STK40: variants seen among roughly 807,000 people sequenced by gnomAD.
STK40 encodes serine/threonine kinase 40.
A neutral mutation model predicts 47.9 loss-of-function variants in STK40; 13 were observed. The observed-to-expected ratio is 0.27, with a 90% CI of 0.18 to 0.43. STK40 has a LOEUF of 0.43. Among genes scored for constraint, STK40 ranks in the 20% least tolerant of loss-of-function variants. The pLI, the probability that STK40 is intolerant of heterozygous loss-of-function variation, is 1.00. For missense variants in STK40, 460 were observed against 595.1 expected, an observed-to-expected ratio of 0.77 and a Z score of 2.36; for synonymous variants, 225 against 243.2, an observed-to-expected ratio of 0.93 and a Z score of 0.69.
In STK40 at chr1:36,341,611, G is replaced by A. The variant is rs754218179; in HGVS notation, c.*144C>T. 7.4e-6 allele frequency: 7 copies of A among 951,310 alleles called. No homozygotes were observed. Among genetic ancestry groups the A allele is most frequent in the South Asian group, 1.7e-5 (1 of 60,272 alleles). The allele number at this position is 951,310 out of a possible 1,614,324, so 58.9% of individuals were successfully genotyped here. Reference sequence around the variant, plus strand: ...TTCGTGGTACCTCTGCTGACCCCACGTGTGACCTGGGCTGTCCCTGTCCCT... The same window carrying A: ...TTCGTGGTACCTCTGCTGACCCCACATGTGACCTGGGCTGTCCCTGTCCCT... On this transcript the variant is annotated 3_prime_UTR_variant, in exon 11 of 11. Transcript: ENST00000373132.
At chr1:36,358,855 A>G (rs758383540) in intron 2 of STK40, 33 bp from the exon 3 acceptor site, 22 of 1,613,772 alleles carry the variant, frequency 1.4e-5, no homozygotes, top group Non-Finnish European at 1.8e-5. Flanking sequence ...TCTACTTTTC[A>G]GAAGCCCTGG....
chr1:36,358,150 AGCT>A, intron 4 of STK40, 86 bp downstream of exon 4: 1 of 1,441,356 alleles, frequency 6.9e-7, no homozygotes, highest in East Asian at 2.4e-5. Context: ...GGGTCACGTG[AGCT>A]GCTCGTATGG....
chr1:36,345,851 G>A (rs1396086723), intron 7 of STK40, among the ~76,000 whole-genome samples: 5 of 150,864 alleles, frequency 3.3e-5, no homozygotes, highest in African/African-American at 4.9e-5. Context: ...AGACAAACTC[G>A]CTGGGAGCCT....
chr1:36,351,118 T>C (rs1646749144), intron 6 of STK40, among the ~76,000 whole-genome samples: 1 of 152,116 alleles, frequency 6.6e-6, no homozygotes, highest in South Asian at 2.1e-4. Context: ...TGCCACAGTG[T>C]TTTTCTCCTT....
At chr1:36,360,204 A>G (rs977800842) in intron 2 of STK40, among the ~76,000 whole-genome samples, 1 of 152,166 alleles carries the variant, frequency 6.6e-6, no homozygotes, top group Admixed American at 6.5e-5. Flanking sequence ...GTAGGTACAC[A>G]CCATTAAGTA....
chr1:36,364,333 T>A (rs1345616170), intron 1 of STK40, among the ~76,000 whole-genome samples: 1 of 152,216 alleles, frequency 6.6e-6, no homozygotes. Context: ...CCAGGCTGCT[T>A]CCAGGATGGC....
intron 6 of STK40, among the ~76,000 whole-genome samples, chr1:36,352,608 C>T (rs1646769269): frequency 6.6e-6 from 1 of 152,224 alleles, no homozygotes; most frequent in Admixed American, 6.5e-5. Flanking sequence ...GTTCAAGCAG[C>T]TCTGGAATTT....
At chr1:36,348,872 C>T (rs55703317) in intron 6 of STK40, 57 bp from the exon 7 acceptor site, 161,612 of 1,454,856 alleles carry the variant, frequency 0.11, 9,783 homozygotes, top group Middle Eastern at 0.24. Flanking sequence ...AGGCACAAGA[C>T]ACGCAGGCAG....
chr1:36,345,991 A>ATATTTT lies in STK40; in HGVS notation c.740-1728_740-1727insAAAATA. ...TACATATATATATATATATATATAT[A>ATATTTT]TTTTTTTTTTTTTTTTTTCCTGAGA... On this transcript the variant is annotated intron_variant, in intron 7 of 10. Coordinates refer to ENST00000373132, the MANE Select transcript of STK40 (RefSeq NM_001282547.2). Among the ~76,000 whole-genome samples, 47 of 26,464 alleles carry ATATTTT rather than the reference A, an allele frequency of 1.8e-3. 2 individuals are homozygous for ATATTTT. The East Asian group carries it at 0.025, about 14-fold the overall frequency. The allele number at this position is 26,464 out of a possible 152,430, so 17.4% of individuals were successfully genotyped here.
rs577149153 is a variant in STK40 at position 36,357,857 on chromosome 1, T to C, written c.342+382A>G. Among the ~76,000 whole-genome samples the C allele has an allele frequency of 4.6e-5, 7 of 152,326 alleles. No homozygotes were observed. The East Asian group carries it at 1.2e-3, about 25-fold the overall frequency. On this transcript the variant is annotated intron_variant, in intron 4 of 10. Transcript: ENST00000373132. ...GTCTCGATCTCCTGACCTTGTGATCTGCCCACCTCGGCTTCCCACGTTGCT... is the reference window on the plus strand; with the variant it reads ...GTCTCGATCTCCTGACCTTGTGATCCGCCCACCTCGGCTTCCCACGTTGCT...
At chr1:36,373,382 C>T (rs1570463731) in intron 1 of STK40, among the ~76,000 whole-genome samples, 1 of 152,168 alleles carries the variant, frequency 6.6e-6, no homozygotes, top group Non-Finnish European at 1.5e-5. Flanking sequence ...CTCTTTAACT[C>T]GCACCACTTT....
Position 36,374,876 on chromosome 1 carries a change from C to G in STK40, c.-9+10847G>C, listed in dbSNP as rs574071247. Among the ~76,000 whole-genome samples, 287 of 152,294 alleles carry G rather than the reference C, an allele frequency of 1.9e-3. 1 individual carries two copies. The highest frequency in any genetic ancestry group is 6.2e-3 in the African/African-American group (256 of 41,558). ...GCAACAAGGGAGGTCCTGGCATGGG[C>G]ATGTGACTAAGAGTCCCTTCAGCTC... On this transcript the variant is annotated intron_variant, in intron 1 of 10. Transcript: ENST00000373132.
At chr1:36,379,937 AGT>A (rs1241263991) in intron 1 of STK40, among the ~76,000 whole-genome samples, 1 of 152,242 alleles carries the variant, frequency 6.6e-6, no homozygotes, top group Non-Finnish European at 1.5e-5. Context: ...CTTCAGCAGA[AGT>A]GTTTAGAGAG....
At chr1:36,365,770 G>C (rs933068453) in intron 1 of STK40, among the ~76,000 whole-genome samples, 1 of 152,156 alleles carries the variant, frequency 6.6e-6, no homozygotes, top group South Asian at 2.1e-4. Context: ...ATGGTGGTCT[G>C]TAATTTTCCT....
chr1:36,384,281 C>T (rs559495060), intron 1 of STK40, among the ~76,000 whole-genome samples: 5 of 152,290 alleles, frequency 3.3e-5, no homozygotes, highest in South Asian at 2.1e-4. Context: ...CCGCCCGCCT[C>T]GGCTTCCCAA....
At chr1:36,352,123 C>T (rs547838336) in intron 6 of STK40, among the ~76,000 whole-genome samples, 1 of 152,336 alleles carries the variant, frequency 6.6e-6, no homozygotes, top group East Asian at 1.9e-4. Flanking sequence ...CGGGGCTCCC[C>T]ACCACCTCCT....
At chr1:36,375,815 G>A (rs1013989202) in intron 1 of STK40, among the ~76,000 whole-genome samples, 2 of 152,170 alleles carry the variant, frequency 1.3e-5, no homozygotes, top group Admixed American at 6.5e-5. Flanking sequence ...GAGGTCAGGA[G>A]TTTGAGACCA....
chr1:36,368,742 T>C (rs1021186296), intron 1 of STK40, among the ~76,000 whole-genome samples: 3 of 152,110 alleles, frequency 2.0e-5, no homozygotes, highest in African/African-American at 7.2e-5. Context: ...CAATGGGTGA[T>C]CTGGGAGAAA....
chr1:36,350,232 G>T (rs1646739147), intron 6 of STK40, among the ~76,000 whole-genome samples: 1 of 152,254 alleles, frequency 6.6e-6, no homozygotes, highest in African/African-American at 2.4e-5. Flanking sequence ...AAGGGTCACT[G>T]CAAAGGGTCA....
Sources: gnomAD v4.1 joint callset for allele counts (sites outside exome capture counted in the v4.1 genomes callset) on GRCh38, gnomAD v4.1.1 for gene constraint, MANE v1.5 for transcripts, NCBI Gene and HGNC (gene_info 2026-07-23, HGNC 2026-07-21) for gene names.